PEBP4: variants seen among roughly 807,000 people sequenced by gnomAD.
PEBP4 encodes phosphatidylethanolamine-binding protein 4.
Under a neutral mutation model 23.9 loss-of-function variants are expected in PEBP4, and 22 were observed. That is an observed-to-expected ratio of 0.92 (90% CI 0.66 to 1.31). The LOEUF (loss-of-function observed/expected upper bound fraction) is 1.31. PEBP4 is among the 40% of genes most tolerant of loss of function. The pLI is 0.00. For synonymous variants in PEBP4, 112 were observed against 99.3 expected (o/e 1.13, Z -0.76); for missense variants, 324 against 281.7 (o/e 1.15, Z -1.07).
chr8:22,719,405 G>C (rs1314627419), intron 6 of PEBP4, among the ~76,000 whole-genome samples: 1 of 152,182 alleles, frequency 6.6e-6, no homozygotes, highest in Non-Finnish European at 1.5e-5. Flanking sequence ...CTCTGGGTGA[G>C]GTGACCGAGG....
rs561491895 is a variant in PEBP4, at chr8:22,816,300, G to A, written c.357+1337C>T. On this transcript the variant is annotated intron_variant, in intron 4 of 6. Coordinates refer to ENST00000256404, the MANE Select transcript of PEBP4 (RefSeq NM_144962.3). The stretch of plus-strand genomic sequence containing the variant: ...TCTCCCTTGAGGAAGCCCCTTCCAG[G>A]GCCATAGGCAGGGCTGCCTCTAAGG... 3.9e-5 allele frequency among the ~76,000 whole-genome samples: 6 copies of A among 152,284 alleles called. No individual in the cohort carries two copies. In the South Asian group the frequency reaches 1.2e-3, roughly 32 times the overall value.
intron 4 of PEBP4, among the ~76,000 whole-genome samples, chr8:22,750,017 G>T (rs904094093): frequency 1.3e-5 from 2 of 151,950 alleles, no homozygotes; most frequent in African/African-American, 4.8e-5. Flanking sequence ...TGTTGGTCAG[G>T]TTGGTCTCGA....
chr8:22,837,188 C>T (rs1487097748), intron 3 of PEBP4, among the ~76,000 whole-genome samples: 1 of 152,204 alleles, frequency 6.6e-6, no homozygotes, highest in Non-Finnish European at 1.5e-5. Context: ...GCGAGGTCTG[C>T]GCTAGCTCTT....
At chr8:22,885,024 A>C (rs1808344788) in intron 3 of PEBP4, 1 of 151,976 alleles carries the variant, frequency 6.6e-6, no homozygotes, top group East Asian at 1.9e-4. Flanking sequence ...AGTTCAATGC[A>C]CTCTCCCCAA....
At chr8:22,918,486 C>T (rs908576519) in intron 3 of PEBP4, among the ~76,000 whole-genome samples, 4 of 152,144 alleles carry the variant, frequency 2.6e-5, no homozygotes, top group Admixed American at 6.6e-5. Context: ...GCCAGGGCAA[C>T]GAAACCAAAT....
intron 4 of PEBP4, among the ~76,000 whole-genome samples, chr8:22,809,413 A>G (rs1301894025): frequency 6.6e-6 from 1 of 152,200 alleles, no homozygotes; most frequent in Non-Finnish European, 1.5e-5. Context: ...TTACACCAGC[A>G]TCACCACCTC....
chr8:22,911,368 C>G (rs867335571), intron 3 of PEBP4, among the ~76,000 whole-genome samples: 14 of 152,284 alleles, frequency 9.2e-5, no homozygotes, highest in African/African-American at 2.9e-4. Context: ...GCAGCCCCCT[C>G]CTCTGGCAGT....
intron 1 of PEBP4, among the ~76,000 whole-genome samples, chr8:22,933,860 T>C (rs1809497785): frequency 6.6e-6 from 1 of 152,236 alleles, no homozygotes; most frequent in Non-Finnish European, 1.5e-5. Context: ...AATGAATACC[T>C]GAGGCTGGAT....
chr8:22,866,793 G>C (rs1807912660), intron 3 of PEBP4, among the ~76,000 whole-genome samples: 3 of 151,582 alleles, frequency 2.0e-5, no homozygotes, highest in African/African-American at 7.3e-5. Context: ...TTTCTTCACG[G>C]AATATGAATT....
intron 6 of PEBP4, among the ~76,000 whole-genome samples, chr8:22,723,427 C>A (rs1336089821): frequency 6.6e-6 from 1 of 152,136 alleles, no homozygotes; most frequent in Non-Finnish European, 1.5e-5. Context: ...TTCCCTCCAT[C>A]CTGCCTTCAG....
chr8:22,847,310 C>G (rs954916344), intron 3 of PEBP4, among the ~76,000 whole-genome samples: 2 of 152,186 alleles, frequency 1.3e-5, no homozygotes, highest in Non-Finnish European at 2.9e-5. Flanking sequence ...GTCACTTCTG[C>G]TTTAGAGATC....
intron 3 of PEBP4, among the ~76,000 whole-genome samples, chr8:22,858,623 G>A (rs961971434): frequency 2.0e-5 from 3 of 152,166 alleles, no homozygotes; most frequent in Non-Finnish European, 4.4e-5. Flanking sequence ...ACTTTGAGAT[G>A]ACAACTGAAG....
intron 3 of PEBP4, chr8:22,884,522 G>A (rs923364504): frequency 6.6e-6 from 1 of 152,286 alleles, no homozygotes. Context: ...TTAAGGCTCC[G>A]GGAGGAGAGT....
intron 4 of PEBP4, among the ~76,000 whole-genome samples, chr8:22,736,425 T>A (rs1178947556): frequency 6.6e-6 from 1 of 151,874 alleles, no homozygotes; most frequent in East Asian, 1.9e-4. Context: ...GCCAGCATAG[T>A]GAGACCCCAT....
chr8:22,731,127 T>C (rs1255431825), intron 4 of PEBP4, among the ~76,000 whole-genome samples: 1 of 152,212 alleles, frequency 6.6e-6, no homozygotes, highest in Non-Finnish European at 1.5e-5. Context: ...AGAAATATAG[T>C]TGATCTTTGA....
At position 22,799,044 on chromosome 8, in the gene PEBP4, A is replaced by G. The variant is rs1475738989; in HGVS notation, c.357+18593T>C. Among the ~76,000 whole-genome samples, 13 of 152,102 alleles carry G rather than the reference A, an allele frequency of 8.5e-5. 1 individual carries two copies. The East Asian group carries it at 2.5e-3, about 29-fold the overall frequency. On this transcript the variant is annotated intron_variant, in intron 4 of 6. Transcript: ENST00000256404. ...TTAGCCACCGTGCCTGGCCATATCT[A>G]TGAATTAAGACCTGGATACAATAAA...
At chr8:22,733,807 ATGGGGGAATTGGGGAGGGTGG>A (rs1804790580) in intron 4 of PEBP4, among the ~76,000 whole-genome samples, 1 of 4,038 alleles carries the variant, frequency 2.5e-4, no homozygotes, top group Non-Finnish European at 8.1e-4. Context: ...GAGGGTGGGG[ATGGGGGAATTGGGGAGGGTGG>A]GGATGGGGGA....
chr8:22,835,284 T>C (rs1807178377), intron 3 of PEBP4, among the ~76,000 whole-genome samples: 1 of 152,230 alleles, frequency 6.6e-6, no homozygotes, highest in South Asian at 2.1e-4. Flanking sequence ...TGAAGCAATG[T>C]CTGTGGGTCA....
chr8:22,861,309 G>T (rs1054503450), intron 3 of PEBP4, among the ~76,000 whole-genome samples: 1 of 152,200 alleles, frequency 6.6e-6, no homozygotes, highest in African/African-American at 2.4e-5. Flanking sequence ...GACGTTTTGT[G>T]CTCTTTCCAT....
Sources: allele counts gnomAD v4.1 joint callset (sites outside exome capture counted in the v4.1 genomes callset), GRCh38; gene constraint gnomAD v4.1.1; transcripts MANE v1.5; gene names NCBI Gene and HGNC (gene_info 2026-07-23, HGNC 2026-07-21).